Variants in ITPR3 observed in about 807,000 individuals in gnomAD.
ITPR3 encodes inositol 1,4,5-trisphosphate-gated calcium channel ITPR3.
Under a neutral mutation model 293.2 loss-of-function variants are expected in ITPR3, and 173 were observed. The observed-to-expected ratio is 0.59, with a 90% confidence interval of 0.52 to 0.67. ITPR3 has a LOEUF of 0.67. Among genes scored for constraint, ITPR3 ranks in the 30% least tolerant of loss-of-function variants. The pLI, the probability that ITPR3 is intolerant of heterozygous loss-of-function variation, is 0.00. For synonymous variants in ITPR3, 1,295 were observed against 1,444.4 expected, an observed-to-expected ratio of 0.90 and a Z score of 2.35; for missense variants, 2,796 against 3,592.1, an observed-to-expected ratio of 0.78 and a Z score of 5.66.
In ITPR3 at chr6:33,693,690, G is replaced by A; in HGVS notation, c.7770G>A (p.Val2590=). 4 of 1,614,142 alleles carry A rather than the reference G, an allele frequency of 2.5e-6. No homozygotes were observed. Among genetic ancestry groups the A allele is most frequent in the Non-Finnish European group, 3.4e-6 (4 of 1,180,008 alleles). The stretch of plus-strand genomic sequence containing the variant: ...ACTACACGGGCCCTGAGAGCTACGT[G>A]GCCCAGATGATCAAGGTGTGAGCAG... ...KTDYTGPESY[V]AQMIKNKNLD... Residue 2590 remains valine (V), a synonymous_variant, in exon 56 of 58, where the codon GTG becomes GTA. Transcript: ENST00000605930.
rs1218719974 is a variant in ITPR3, at chr6:33,640,620, T to C, written c.160+66T>C. On this transcript the variant is annotated intron_variant, in intron 2 of 57. Coordinates refer to ENST00000605930, the MANE Select transcript of ITPR3 (RefSeq NM_002224.4). Reference sequence around the variant, plus strand: ...GCAGGGTTCTGGACCTGCGACTGAATTTATTCAACTGCATTCAGCCCCAGT... The same window carrying C: ...GCAGGGTTCTGGACCTGCGACTGAACTTATTCAACTGCATTCAGCCCCAGT... The C allele has an allele frequency of 3.8e-6, 5 of 1,304,986 alleles. No individual in the cohort carries two copies. The African/African-American group carries it at 7.4e-5, about 19-fold the overall frequency. 80.8% of individuals were successfully genotyped at this position (1,304,986 alleles called of 1,614,324 possible).
intron 25 of ITPR3, among the ~76,000 whole-genome samples, chr6:33,676,319 C>T (rs1764905145): frequency 6.6e-6 from 1 of 152,260 alleles, no homozygotes; most frequent in Non-Finnish European, 1.5e-5. Context: ...TACTACTCTC[C>T]CTCCCATTCC....
At position 33,633,361 on chromosome 6, in the gene ITPR3, T is replaced by C. The variant is rs1763728116; in HGVS notation, c.90-7123T>C. Among the ~76,000 whole-genome samples, 1 of 152,172 alleles carries C rather than the reference T, an allele frequency of 6.6e-6. No individual in the cohort carries two copies. The highest frequency in any genetic ancestry group is 2.4e-5 in the African/African-American group (1 of 41,442). On this transcript the variant is annotated intron_variant, in intron 1 of 57. Coordinates refer to ENST00000605930, the MANE Select transcript of ITPR3 (RefSeq NM_002224.4). This position sits in a 1 kb window ranked among gnomAD's most constrained non-coding sequence, Gnocchi z 5.2. The stretch of plus-strand genomic sequence containing the variant: ...AGGGGGGTGAAGCGAAGCGGCCACT[T>C]ACCCCTGTAGAGCGCGGCTCTGGTT...
Position 33,686,990 on chromosome 6 carries a change from C to T in ITPR3, c.5980-19C>T, listed in dbSNP as rs777876046. 1 of 1,602,824 alleles carries T rather than the reference C, an allele frequency of 6.2e-7. No homozygotes were observed. Among genetic ancestry groups the T allele is most frequent in the Non-Finnish European group, 8.5e-7 (1 of 1,170,480 alleles). The stretch of plus-strand genomic sequence containing the variant: ...GTGTCCTGAGACTGTGGCCTGCCTC[C>T]CTCTGCCCCTCCACCCAGGACAATG... On this transcript the variant is annotated intron_variant, in intron 43 of 57. Coordinates refer to ENST00000605930, the MANE Select transcript of ITPR3 (RefSeq NM_002224.4).
At chr6:33,646,391 T>C (rs1005542825) in intron 2 of ITPR3, among the ~76,000 whole-genome samples, 1 of 108,012 alleles carries the variant, frequency 9.3e-6, no homozygotes, top group Non-Finnish European at 1.7e-5. Flanking sequence ...CACCACTGCC[T>C]CTTTAGGTCA....
Position 33,678,404 on chromosome 6 carries a change from C to G in ITPR3, c.3649-17C>G. 1 of 1,611,824 alleles carries G rather than the reference C, an allele frequency of 6.2e-7. No individual in the cohort carries two copies. The highest frequency in any genetic ancestry group is 8.5e-7 in the Non-Finnish European group (1 of 1,178,612). On this transcript the variant is annotated splice_polypyrimidine_tract_variant and intron_variant, in intron 28 of 57. Coordinates refer to ENST00000605930, the MANE Select transcript of ITPR3 (RefSeq NM_002224.4). Reference sequence around the variant, plus strand: ...CCTTGGTGGGCCCAGCACCCTCTCCCTGACTCCTGTGTCCAGGGTGATGCC... The same window carrying G: ...CCTTGGTGGGCCCAGCACCCTCTCCGTGACTCCTGTGTCCAGGGTGATGCC...
chr6:33,678,755 T>C lies in ITPR3; in HGVS notation c.3888T>C (p.His1296=), dbSNP rs376221813. 3.5e-5 allele frequency: 57 copies of C among 1,613,402 alleles called. 1 individual carries two copies. The highest frequency in any genetic ancestry group is 2.2e-5 in the South Asian group (2 of 90,930). ...FVHLLATHGR[H]VQYLDFLHTV... is the part of the protein sequence containing the mutation. Reference sequence around the variant, plus strand: ...ACCTGCTGGCCACGCACGGGCGCCATGTGCAGTACCTGGACTTCCTGCACA... The same window carrying C: ...ACCTGCTGGCCACGCACGGGCGCCACGTGCAGTACCTGGACTTCCTGCACA... The change falls in exon 30 of 58, where the codon CAT becomes CAC. Residue 1296 remains histidine (H), a synonymous_variant. Coordinates refer to ENST00000605930, the MANE Select transcript of ITPR3 (RefSeq NM_002224.4).
Position 33,658,774 on chromosome 6 carries a change from G to A in ITPR3, c.474G>A (p.Glu158=), listed in dbSNP as rs144864041. The A allele has an allele frequency of 1.0e-4, 165 of 1,614,204 alleles. No individual in the cohort carries two copies. The African/African-American group carries it at 1.5e-3, about 15-fold the overall frequency. The stretch of plus-strand genomic sequence containing the variant: ...TGACTCTGGATGCCACAGGCAACGA[G>A]GGTTCCTGGCTCTTCATCCAGCCCT... ...MRVTLDATGN[E]GSWLFIQPFW... is the part of the protein sequence containing the mutation. The change falls in exon 5 of 58, where the codon GAG becomes GAA. Residue 158 remains glutamate, a synonymous_variant. Transcript: ENST00000605930. This position sits in a 1 kb window ranked among gnomAD's most constrained non-coding sequence, Gnocchi z 6.1.
In ITPR3 at chr6:33,678,665, C is replaced by T. The variant is rs1157784783; in HGVS notation, c.3798C>T (p.His1266=). ...TCCTGGAGGCAGAGACCATGCAGCA[C>T]ATCTTCCTGAACAACTATCAGCTCT... ...PGLLEAETMQ[H]IFLNNYQLCS... is the part of the protein sequence containing the mutation. The change falls in exon 30 of 58, where the codon CAC becomes CAT. Residue 1266 remains histidine, a synonymous_variant. Transcript: ENST00000605930. The T allele has an allele frequency of 2.5e-6, 4 of 1,612,894 alleles. No homozygotes were observed. Among genetic ancestry groups the T allele is most frequent in the Middle Eastern group, 1.6e-4 (1 of 6,084 alleles).
At chr6:33,648,015 C>T (rs1764106802) in intron 2 of ITPR3, among the ~76,000 whole-genome samples, 1 of 151,614 alleles carries the variant, frequency 6.6e-6, no homozygotes, top group Non-Finnish European at 1.5e-5. Flanking sequence ...ATGGTTTCTT[C>T]TGCTAGCTAC....
intron 2 of ITPR3, among the ~76,000 whole-genome samples, chr6:33,649,726 C>T (rs1261386677): frequency 6.6e-6 from 1 of 152,190 alleles, no homozygotes; most frequent in Admixed American, 6.5e-5. Flanking sequence ...GACTTGGATC[C>T]TCTACTCTGG....
chr6:33,685,462 T>A lies in ITPR3; in HGVS notation c.5411T>A (p.Val1804Glu). 1 of 1,613,942 alleles carries A rather than the reference T, an allele frequency of 6.2e-7. No individual in the cohort carries two copies. Among genetic ancestry groups the A allele is most frequent in the Non-Finnish European group, 8.5e-7 (1 of 1,179,974 alleles). ...KRAQQETKSTVAVNMNDLGSQ... is the reference protein window; with the variant it reads ...KRAQQETKSTEAVNMNDLGSQ... ...GCCCAGCAGGAGACCAAGTCCACGG[T>A]GGCAGTCAACATGAATGACCTGGGC... Residue 1804 changes from valine to glutamate, a missense_variant, in exon 40 of 58, where the codon GTG becomes GAG. Physicochemically the swap from Val to Glu is moderately radical, Grantham distance 121. This residue lies in a region of ITPR3 where 704 missense variants were observed against 797.5 expected (regional missense o/e 0.88). Coordinates refer to ENST00000605930, the MANE Select transcript of ITPR3 (RefSeq NM_002224.4).
intron 25 of ITPR3, among the ~76,000 whole-genome samples, chr6:33,676,210 G>A (rs879611888): frequency 8.5e-5 from 13 of 152,344 alleles, no homozygotes; most frequent in African/African-American, 1.4e-4. Context: ...ACCAGTCGGC[G>A]TTGGCCTTTA....
chr6:33,684,389 CGGA>C lies in ITPR3; in HGVS notation c.4975_4977del (p.Glu1659del). 1.2e-6 allele frequency: 2 copies of C among 1,613,990 alleles called. No homozygotes were observed. The highest frequency in any genetic ancestry group is 1.3e-5 in the African/African-American group (1 of 75,006). On this transcript the variant is annotated inframe_deletion, in exon 37 of 58. Transcript: ENST00000605930. This position sits in a 1 kb window ranked among gnomAD's most constrained non-coding sequence, Gnocchi z 4.2. ...CAGCACACCAAGGACCTCATGGAGTCGGAGGAGAAGCTGTGCATCAAGGTGCTG... is the reference window on the plus strand; with the variant it reads ...CAGCACACCAAGGACCTCATGGAGTCGGAGAAGCTGTGCATCAAGGTGCTG...
At position 33,678,901 on chromosome 6, in the gene ITPR3, G is replaced by A. The variant is rs1426099562; in HGVS notation, c.3972+62G>A. 8.6e-6 allele frequency: 13 copies of A among 1,516,212 alleles called. No homozygotes were observed. In the East Asian group the frequency reaches 3.1e-4, roughly 36 times the overall value. The allele number at this position is 1,516,212 out of a possible 1,614,324, so 93.9% of individuals were successfully genotyped here. A position where few individuals can be genotyped will look rare whatever the true frequency, so the allele number is the denominator to read the frequency against. ...GGTGGGGGACCGGAGCAGAGGCTTG[G>A]CGGGAAGGCCACAGAGTTAGAGAAG... is the stretch of plus-strand genomic sequence containing the variant. On this transcript the variant is annotated intron_variant, in intron 30 of 57. Transcript: ENST00000605930.
intron 1 of ITPR3, among the ~76,000 whole-genome samples, chr6:33,627,342 T>C (rs560303113): frequency 6.2e-4 from 95 of 152,380 alleles, no homozygotes; most frequent in Middle Eastern, 3.4e-3. Context: ...TCTAGCCTTT[T>C]ATATTCATAA....
intron 32 of ITPR3, 35 bp downstream of exon 32, chr6:33,680,489 C>T: frequency 6.2e-7 from 1 of 1,611,442 alleles, no homozygotes; most frequent in Non-Finnish European, 8.5e-7. Context: ...TGAAGCCCCC[C>T]AGGAGGTGTG....
At chr6:33,695,258 G>C in intron 57 of ITPR3, 173 bp downstream of exon 57, 1 of 698,832 alleles carries the variant, frequency 1.4e-6, no homozygotes, top group Non-Finnish European at 2.3e-6. Context: ...GACTGGGGTT[G>C]ACAACCCCTG....
chr6:33,658,641 G>C lies in ITPR3; in HGVS notation c.370-29G>C, dbSNP rs1237663560. On this transcript the variant is annotated intron_variant, in intron 4 of 57. Transcript: ENST00000605930. This position sits in a 1 kb window ranked among gnomAD's most constrained non-coding sequence, Gnocchi z 6.1. ...AATGGGCCGACTCCTGTGGCGCGGT[G>C]ACCTTCCCGCACCCCACCTGACCCC... 1.2e-6 allele frequency: 2 copies of C among 1,610,954 alleles called. No individual in the cohort carries two copies. The highest frequency in any genetic ancestry group is 1.7e-5 in the Admixed American group (1 of 59,892).
Sources: allele counts gnomAD v4.1 joint callset (sites outside exome capture counted in the v4.1 genomes callset), GRCh38; gene constraint gnomAD v4.1.1; regional missense constraint gnomAD v4.1.1; non-coding constraint Gnocchi (gnomAD v3.1); transcripts MANE v1.5; gene names NCBI Gene and HGNC (gene_info 2026-07-23, HGNC 2026-07-21).